FAM149B1: variants seen among roughly 807,000 people sequenced by gnomAD.
The protein encoded by FAM149B1 is family with sequence similarity 149 member B1.
Under a neutral mutation model 75.3 loss-of-function variants are expected in FAM149B1, and 56 were observed. That is an observed-to-expected ratio of 0.74 (90% CI 0.60 to 0.93). The LOEUF (loss-of-function observed/expected upper bound fraction) is 0.93. Among genes scored for constraint, FAM149B1 ranks in the 40% least tolerant of loss-of-function variants. FAM149B1 has a pLI of 0.00. For missense variants in FAM149B1, 639 were observed against 708.4 expected (o/e 0.90, Z 1.11); for synonymous variants, 259 against 256.1 (o/e 1.01, Z -0.11).
chr10:73,204,949 T>C (rs1302521227), intron 5 of FAM149B1, among the ~76,000 whole-genome samples: 1 of 28,766 alleles, frequency 3.5e-5, no homozygotes, highest in African/African-American at 2.7e-4. Flanking sequence ...GGCTAATTTT[T>C]TTTTTTTTTT....
At chr10:73,168,424 G>A (rs1258756001) in intron 1 of FAM149B1, 38 bp downstream of exon 1, 6 of 1,547,620 alleles carry the variant, frequency 3.9e-6, no homozygotes, top group Non-Finnish European at 5.2e-6. Context: ...CGGGGCGGGC[G>A]GCGGGCGCTC....
intron 5 of FAM149B1, 146 bp from the exon 6 acceptor site, chr10:73,208,473 G>T (rs2133365010): frequency 1.9e-6 from 1 of 527,174 alleles, no homozygotes; most frequent in Non-Finnish European, 3.3e-6. Context: ...CCTGTTCTGA[G>T]AAATGGTAGG....
intron 5 of FAM149B1, among the ~76,000 whole-genome samples, chr10:73,207,806 T>C (rs2043101482): frequency 6.6e-6 from 1 of 152,216 alleles, no homozygotes. Flanking sequence ...CAGAAATGTT[T>C]ATCTAACGCC....
At chr10:73,231,925 T>TTTAAAA (rs768190966) in intron 9 of FAM149B1, among the ~76,000 whole-genome samples, 1 of 142,020 alleles carries the variant, frequency 7.0e-6, no homozygotes, top group African/African-American at 2.6e-5. Flanking sequence ...TAGGGTGTGT[T>TTTAAAA]AAAAAAAAAA....
rs371429632 is a variant in FAM149B1, at chr10:73,204,286, G to A, written c.543-4333G>A. Among the ~76,000 whole-genome samples the A allele has an allele frequency of 3.1e-4, 47 of 152,114 alleles. No individual in the cohort carries two copies. The East Asian group carries it at 9.1e-3, about 29-fold the overall frequency. On this transcript the variant is annotated intron_variant, in intron 5 of 13. Coordinates refer to ENST00000242505, the MANE Select transcript of FAM149B1 (RefSeq NM_173348.2). ...ATTACAGGCACATGCCATCACGCCT[G>A]GCTAATTTTTGTATTTTTAGTAGAG...
chr10:73,206,842 G>C (rs1486983691), intron 5 of FAM149B1, among the ~76,000 whole-genome samples: 1 of 152,220 alleles, frequency 6.6e-6, no homozygotes, highest in Non-Finnish European at 1.5e-5. Flanking sequence ...TTGAGCTTGG[G>C]AGGTGGAGGT....
At chr10:73,188,593 G>C (rs2042589199) in intron 3 of FAM149B1, among the ~76,000 whole-genome samples, 1 of 152,052 alleles carries the variant, frequency 6.6e-6, no homozygotes, top group African/African-American at 2.4e-5. Context: ...GTGGTGGCAG[G>C]CACCTGTAAT....
At chr10:73,175,009 G>A (rs150631235) in intron 2 of FAM149B1, among the ~76,000 whole-genome samples, 1 of 152,176 alleles carries the variant, frequency 6.6e-6, no homozygotes, top group African/African-American at 2.4e-5. Context: ...AAGTAGTTAA[G>A]AACACGGATA....
intron 5 of FAM149B1, chr10:73,200,963 G>T: frequency 6.9e-6 from 3 of 433,340 alleles, no homozygotes; most frequent in South Asian, 5.9e-5. Context: ...AGGGAATTCT[G>T]ATCAGGGTCA....
chr10:73,239,458 C>T (rs1564719993), intron 13 of FAM149B1, 74 bp downstream of exon 13: 1 of 1,049,152 alleles, frequency 9.5e-7, no homozygotes, highest in Non-Finnish European at 1.4e-6. Flanking sequence ...TTTTTTCCTA[C>T]ACCTATTTCC....
Position 73,241,941 on chromosome 10 carries a change from A to G in FAM149B1, c.*922A>G, listed in dbSNP as rs1401106806. 1 of 152,240 alleles carries G rather than the reference A, an allele frequency of 6.6e-6. No homozygotes were observed. The highest frequency in any genetic ancestry group is 1.5e-5 in the Non-Finnish European group (1 of 68,044). The allele number at this position is 152,240 out of a possible 1,614,324, so 9.4% of individuals were successfully genotyped here. On this transcript the variant is annotated 3_prime_UTR_variant, in exon 14 of 14. Transcript: ENST00000242505. ...GGACCTTTTCCTAAGGGCATTCATG[A>G]ATGCAGCAACAGTTTTAACTATGGC...
intron 7 of FAM149B1, among the ~76,000 whole-genome samples, chr10:73,212,778 A>C (rs2043212021): frequency 8.1e-6 from 1 of 122,764 alleles, no homozygotes; most frequent in Non-Finnish European, 1.7e-5. Context: ...GTCGTTTTTC[A>C]TGTTTGTTGG....
intron 7 of FAM149B1, among the ~76,000 whole-genome samples, chr10:73,224,938 A>G (rs920224257): frequency 1.3e-5 from 2 of 152,188 alleles, no homozygotes; most frequent in African/African-American, 4.8e-5. Context: ...ACTTTGGTCA[A>G]TGTTGGACCA....
At chr10:73,236,881 A>G (rs868036962) in intron 12 of FAM149B1, among the ~76,000 whole-genome samples, 2 of 151,104 alleles carry the variant, frequency 1.3e-5, no homozygotes, top group African/African-American at 4.9e-5. Flanking sequence ...ATGCCCTGCT[A>G]ATTTTTTTAT....
At chr10:73,239,420 G>T (rs1450830077) in intron 13 of FAM149B1, 36 bp downstream of exon 13, 1 of 1,498,352 alleles carries the variant, frequency 6.7e-7, no homozygotes, top group Admixed American at 2.0e-5. Flanking sequence ...TTACTACTGT[G>T]TGGTTGTGTT....
chr10:73,199,303 C>T (rs1464016721), intron 5 of FAM149B1, among the ~76,000 whole-genome samples: 5 of 152,024 alleles, frequency 3.3e-5, no homozygotes, highest in South Asian at 2.1e-4. Flanking sequence ...CTGCAAGCTC[C>T]GCCCCCCAGG....
chr10:73,215,170 A>G (rs993331380), intron 7 of FAM149B1, among the ~76,000 whole-genome samples: 3 of 151,902 alleles, frequency 2.0e-5, no homozygotes, highest in African/African-American at 7.3e-5. Flanking sequence ...ATGGGTGCAC[A>G]CCACCATAAC....
At position 73,174,810 on chromosome 10, in the gene FAM149B1, C is replaced by T. The variant is rs1396753217; in HGVS notation, c.152+19C>T. 1 of 1,481,814 alleles carries T rather than the reference C, an allele frequency of 6.7e-7. No homozygotes were observed. The highest frequency in any genetic ancestry group is 9.2e-7 in the Non-Finnish European group (1 of 1,083,548). 91.8% of individuals were successfully genotyped at this position (1,481,814 alleles called of 1,614,324 possible). A position where few individuals can be genotyped will look rare whatever the true frequency, so the allele number is the denominator to read the frequency against. On this transcript the variant is annotated intron_variant, in intron 2 of 13. Transcript: ENST00000242505. ...CCCAAAGGTAATAACACAAAGTGTACTTGTTTACTTATTGCACTTGCTCAT... is the reference window on the plus strand; with the variant it reads ...CCCAAAGGTAATAACACAAAGTGTATTTGTTTACTTATTGCACTTGCTCAT...
At chr10:73,184,027 T>G (rs955483908) in intron 3 of FAM149B1, among the ~76,000 whole-genome samples, 1 of 152,116 alleles carries the variant, frequency 6.6e-6, no homozygotes, top group Non-Finnish European at 1.5e-5. Flanking sequence ...ATCTGGGAAA[T>G]AAGACGGTCA....
Sources: gnomAD v4.1 joint callset for allele counts (sites outside exome capture counted in the v4.1 genomes callset) on GRCh38, gnomAD v4.1.1 for gene constraint, MANE v1.5 for transcripts, NCBI Gene and HGNC (gene_info 2026-07-23, HGNC 2026-07-21) for gene names.